SPATA1: variants seen among roughly 807,000 people sequenced by gnomAD.
SPATA1 encodes the protein spermatogenesis associated 1.
SPATA1 carries 57 observed loss-of-function variants against 59.6 expected under a neutral mutation model. The ratio of observed to expected loss-of-function variants is 0.96; its 90% CI spans 0.77 to 1.19. The LOEUF is 1.19. Ranked by LOEUF, SPATA1 falls within the 50% of genes most tolerant of loss-of-function variation. The probability of loss-of-function intolerance (pLI) is 0.00; values close to 1 mark genes in which losing one functional copy is unlikely to be tolerated. For synonymous variants in SPATA1, 147 were observed against 163.9 expected, an observed-to-expected ratio of 0.90 and a Z score of 0.79; for missense variants, 448 against 480.7, an observed-to-expected ratio of 0.93 and a Z score of 0.64.
At chr1:84,551,959 T>G (rs966014382) in intron 12 of SPATA1, 2 of 152,130 alleles carry the variant, frequency 1.3e-5, no homozygotes, top group African/African-American at 4.8e-5. Context: ...ATTACAAATG[T>G]CACTCATGGT....
At chr1:84,551,359 A>G in intron 12 of SPATA1, 2 of 807,016 alleles carry the variant, frequency 2.5e-6, no homozygotes, top group Non-Finnish European at 3.0e-6. Context: ...CCTCGGTTTC[A>G]GATAAAAATA....
Position 84,542,173 on chromosome 1 carries a change from G to A in SPATA1, c.718-2029G>A, listed in dbSNP as rs1558606237. On this transcript the variant is annotated intron_variant, in intron 8 of 12. Transcript: ENST00000490879. ...GAGACGGGGTTTCACCATGTTGGCC[G>A]GGCTGGTCTTGAACTCCTGACCTCA... Among the ~76,000 whole-genome samples the A allele has an allele frequency of 2.0e-5, 3 of 151,808 alleles. No homozygotes were observed. In the South Asian group the frequency reaches 6.2e-4, roughly 32 times the overall value.
At chr1:84,542,333 G>A (rs1683940721) in intron 8 of SPATA1, among the ~76,000 whole-genome samples, 1 of 152,064 alleles carries the variant, frequency 6.6e-6, no homozygotes. Context: ...TGGAGCTCTT[G>A]CCTTGGCCAT....
chr1:84,516,416 T>A, intron 2 of SPATA1, 21 bp downstream of exon 2: 1 of 1,379,788 alleles, frequency 7.2e-7, no homozygotes, highest in Non-Finnish European at 9.8e-7. Context: ...CTTTTTATAC[T>A]AAAATATAAG....
Position 84,522,370 on chromosome 1 carries a change from G to T in SPATA1, c.144-20G>T. On this transcript the variant is annotated intron_variant, in intron 3 of 12. Coordinates refer to ENST00000490879, the Ensembl canonical transcript of SPATA1. ...AATCTATTTCATTTTATATTATAAG[G>T]CAATTTTATAATATTTCAGAGTATC... The T allele has an allele frequency of 1.5e-6, 2 of 1,318,150 alleles. No homozygotes were observed. Among genetic ancestry groups the T allele is most frequent in the Non-Finnish European group, 1.0e-6 (1 of 983,746 alleles). The allele number at this position is 1,318,150 out of a possible 1,614,324, so 81.7% of individuals were successfully genotyped here. A position where few individuals can be genotyped will look rare whatever the true frequency, so the allele number is the denominator to read the frequency against.
At chr1:84,543,858 G>C (rs1192240002) in intron 8 of SPATA1, among the ~76,000 whole-genome samples, 1 of 151,956 alleles carries the variant, frequency 6.6e-6, no homozygotes, top group East Asian at 1.9e-4. Flanking sequence ...AATCAAAATT[G>C]ACTCAAGATG....
intron 9 of SPATA1, 86 bp from the exon 10 acceptor site, chr1:84,545,547 AT>A: frequency 7.3e-7 from 1 of 1,374,172 alleles, no homozygotes; most frequent in Non-Finnish European, 9.6e-7. Flanking sequence ...TGCTTTAGAC[AT>A]TTTTAAGTTT....
chr1:84,522,518 T>C lies in SPATA1; in HGVS notation c.261+11T>C, dbSNP rs776986524. The C allele has an allele frequency of 3.6e-6, 5 of 1,399,640 alleles. No homozygotes were observed. Among genetic ancestry groups the C allele is most frequent in the South Asian group, 1.5e-5 (1 of 68,820 alleles). 86.7% of individuals were successfully genotyped at this position (1,399,640 alleles called of 1,614,324 possible). A position where few individuals can be genotyped will look rare whatever the true frequency, so the allele number is the denominator to read the frequency against. ...AATAATTTAGCTGTGGTAAGTTTTC[T>C]TTTTTTTTCTTTCTGATTGAGAAAG... is the stretch of plus-strand genomic sequence containing the variant. On this transcript the variant is annotated intron_variant, in intron 4 of 12. Coordinates refer to ENST00000490879, the Ensembl canonical transcript of SPATA1.
At chr1:84,521,379 T>C (rs1144276) in intron 3 of SPATA1, among the ~76,000 whole-genome samples, 70,464 of 152,038 alleles carry the variant, frequency 0.46, 18,208 homozygotes, top group African/African-American at 0.69. Context: ...CTGTTGTTAC[T>C]CCTTACGCAT....
intron 4 of SPATA1, among the ~76,000 whole-genome samples, chr1:84,564,880 CT>C (rs1553224722): frequency 6.6e-6 from 1 of 151,556 alleles, no homozygotes; most frequent in Non-Finnish European, 1.5e-5. Context: ...AAAAAAAAAT[CT>C]TTTTTAAATT....
At chr1:84,532,222 G>A (rs186219392) in intron 6 of SPATA1, among the ~76,000 whole-genome samples, 22 of 152,328 alleles carry the variant, frequency 1.4e-4, no homozygotes, top group Admixed American at 5.9e-4. Flanking sequence ...AAGGCCGAAC[G>A]CAGTGGCTTA....
At chr1:84,537,227 G>A (rs895748318) in intron 8 of SPATA1, among the ~76,000 whole-genome samples, 2 of 152,066 alleles carry the variant, frequency 1.3e-5, no homozygotes, top group African/African-American at 4.8e-5. Flanking sequence ...CCAATTTACA[G>A]CATTTTACTA....
At chr1:84,519,009 G>A (rs1123981) in intron 2 of SPATA1, among the ~76,000 whole-genome samples, 27,371 of 151,702 alleles carry the variant, frequency 0.18, 2,547 homozygotes, top group South Asian at 0.31. Context: ...TTTATTGTTT[G>A]TTGGCTATAT....
chr1:84,516,808 G>C (rs1313580710), intron 2 of SPATA1, among the ~76,000 whole-genome samples: 1 of 152,024 alleles, frequency 6.6e-6, no homozygotes, highest in African/African-American at 2.4e-5. Flanking sequence ...ACCTACACCT[G>C]AGCAGCTGAA....
intron 4 of SPATA1, chr1:84,563,486 T>A (rs529598652): frequency 1.8e-6 from 2 of 1,095,258 alleles, no homozygotes; most frequent in African/African-American, 3.3e-5. Context: ...AAACCAAAAA[T>A]ATATAAATTA....
At position 84,548,750 on chromosome 1, in the gene SPATA1, CTTTTTTTTTTTTTTTTT is replaced by C. The variant is rs56250726; in HGVS notation, c.947-21_947-5del. Reference sequence around the variant, plus strand: ...TTTAATACTCAAACGAAGGCCTTTCCTTTTTTTTTTTTTTTTTTTTTTTTTTTTTTTATAGCCTACAA... The same window carrying C: ...TTTAATACTCAAACGAAGGCCTTTCCTTTTTTTTTTTTTTATAGCCTACAA... On this transcript the variant is annotated intron_variant, in intron 10 of 12. Coordinates refer to ENST00000490879, the Ensembl canonical transcript of SPATA1. The C allele has an allele frequency of 3.0e-3, 2,695 of 912,226 alleles. 1 individual carries two copies. The highest frequency in any genetic ancestry group is 6.6e-3 in the South Asian group (300 of 45,218). 56.5% of individuals were successfully genotyped at this position (912,226 alleles called of 1,614,324 possible).
intron 12 of SPATA1, chr1:84,552,170 T>G (rs935964178): frequency 6.6e-6 from 1 of 152,172 alleles, no homozygotes; most frequent in African/African-American, 2.4e-5. Context: ...GCACTACCTA[T>G]AAGATTCAGA....
chr1:84,549,085 TA>T (rs902524757), intron 11 of SPATA1, 121 bp downstream of exon 11: 7 of 984,590 alleles, frequency 7.1e-6, no homozygotes, highest in Admixed American at 3.3e-5. Context: ...CTTAAAACAA[TA>T]AAAAAACTCA....
chr1:84,534,936 C>A (rs1249572810), intron 8 of SPATA1, among the ~76,000 whole-genome samples: 3 of 152,082 alleles, frequency 2.0e-5, no homozygotes, highest in Non-Finnish European at 4.4e-5. Context: ...CTCTGTCATA[C>A]CTTCTCCTCA....
Sources: gnomAD v4.1 joint callset for allele counts (sites outside exome capture counted in the v4.1 genomes callset) on GRCh38, gnomAD v4.1.1 for gene constraint, MANE v1.5 for transcripts, NCBI Gene and HGNC (gene_info 2026-07-23, HGNC 2026-07-21) for gene names.